The following SOX5 variants were observed in gnomAD, a reference collection of about 807,000 sequenced individuals.
The protein encoded by SOX5 is transcription factor SOX-5.
Under a neutral mutation model 92.0 loss-of-function variants are expected in SOX5, and 9 were observed. That is an observed-to-expected ratio of 0.10 (90% CI 0.06 to 0.17). The LOEUF (loss-of-function observed/expected upper bound fraction) is 0.17. SOX5 is among the 10% of genes least tolerant of loss of function. The pLI, the probability that SOX5 is intolerant of heterozygous loss-of-function variation, is 1.00. For synonymous variants in SOX5, 344 were observed against 336.3 expected, an observed-to-expected ratio of 1.02 and a Z score of -0.25; for missense variants, 642 against 944.5, an observed-to-expected ratio of 0.68 and a Z score of 4.20.
intron 4 of SOX5, among the ~76,000 whole-genome samples, chr12:23,995,236 T>A (rs2136301451): frequency 6.6e-6 from 1 of 152,346 alleles, no homozygotes; most frequent in Admixed American, 6.5e-5. Context: ...GATATTTAAA[T>A]ATATACGTCT....
chr12:23,597,682 A>G (rs1952699711), intron 9 of SOX5, among the ~76,000 whole-genome samples: 1 of 152,228 alleles, frequency 6.6e-6, no homozygotes, highest in African/African-American at 2.4e-5. Context: ...CTATGGGGTG[A>G]TTCTTCTTAG....
At chr12:23,958,349 G>A (rs1178650769) in intron 4 of SOX5, among the ~76,000 whole-genome samples, 1 of 151,922 alleles carries the variant, frequency 6.6e-6, no homozygotes, top group Non-Finnish European at 1.5e-5. Flanking sequence ...TCTTTTCTGG[G>A]CAGAGTACTC....
chr12:23,826,712 T>G (rs961254294), intron 3 of SOX5, among the ~76,000 whole-genome samples: 3 of 150,064 alleles, frequency 2.0e-5, no homozygotes, highest in African/African-American at 4.9e-5. Flanking sequence ...AAAAAAAAAG[T>G]AGAGAAGGAA....
intron 4 of SOX5, among the ~76,000 whole-genome samples, chr12:23,743,372 C>T (rs1412091177): frequency 1.3e-5 from 2 of 151,924 alleles, no homozygotes; most frequent in Middle Eastern, 3.4e-3. Flanking sequence ...TACAGTGGCA[C>T]GATCTCACCT....
At chr12:23,988,798 G>A (rs1223414843) in intron 4 of SOX5, among the ~76,000 whole-genome samples, 1 of 152,128 alleles carries the variant, frequency 6.6e-6, no homozygotes, top group Non-Finnish European at 1.5e-5. Flanking sequence ...TGGGTTGGCA[G>A]GCTAGGGAAG....
intron 2 of SOX5, among the ~76,000 whole-genome samples, chr12:23,865,692 A>T (rs1187327592): frequency 6.6e-6 from 1 of 152,186 alleles, no homozygotes; most frequent in Non-Finnish European, 1.5e-5. Flanking sequence ...ACGAAAAAAA[A>T]TACATTTTGT....
chr12:23,898,695 G>T (rs1329206003), intron 1 of SOX5, among the ~76,000 whole-genome samples: 7 of 152,160 alleles, frequency 4.6e-5, no homozygotes, highest in Non-Finnish European at 8.8e-5. Flanking sequence ...GAGCAAAAAA[G>T]GTTAAGGTTT....
chr12:23,831,675 G>A (rs1490627038), intron 3 of SOX5, among the ~76,000 whole-genome samples: 1 of 152,042 alleles, frequency 6.6e-6, no homozygotes, highest in Non-Finnish European at 1.5e-5. Context: ...CACTAGGTAA[G>A]TTTGGTAATA....
chr12:24,240,121 T>G (rs1245579983), intron 3 of SOX5, among the ~76,000 whole-genome samples: 1 of 152,198 alleles, frequency 6.6e-6, no homozygotes, highest in Non-Finnish European at 1.5e-5. Context: ...CTACAAGTAG[T>G]GGTTGTATTA....
chr12:24,552,106 T>C (rs1017804770), intron 1 of SOX5, among the ~76,000 whole-genome samples: 1 of 151,876 alleles, frequency 6.6e-6, no homozygotes, highest in African/African-American at 2.4e-5. Context: ...CCTAGATTCC[T>C]TATGTCAGGT....
chr12:23,874,360 T>C (rs1030652267), intron 2 of SOX5, among the ~76,000 whole-genome samples: 2 of 152,192 alleles, frequency 1.3e-5, no homozygotes, highest in African/African-American at 2.4e-5. Flanking sequence ...TACTGCTGAT[T>C]GTGGACTTGA....
chr12:23,992,442 T>C (rs973577277), intron 4 of SOX5, among the ~76,000 whole-genome samples: 1 of 152,178 alleles, frequency 6.6e-6, no homozygotes, highest in African/African-American at 2.4e-5. Flanking sequence ...CAAGGTTTCA[T>C]ACATAATTTG....
chr12:24,479,575 G>C (rs930860599), intron 1 of SOX5, among the ~76,000 whole-genome samples: 1 of 152,000 alleles, frequency 6.6e-6, no homozygotes, highest in South Asian at 2.1e-4. Context: ...GACAATACTC[G>C]CACATATTAT....
chr12:24,424,811 G>GGC (rs1555286280), intron 1 of SOX5, among the ~76,000 whole-genome samples: 9 of 149,322 alleles, frequency 6.0e-5, no homozygotes, highest in South Asian at 4.2e-4. Flanking sequence ...TTTTTTTTGG[G>GGC]GGGGGGGGAT....
chr12:23,839,222 T>C (rs1169967477), intron 3 of SOX5, among the ~76,000 whole-genome samples: 1 of 152,060 alleles, frequency 6.6e-6, no homozygotes, highest in Non-Finnish European at 1.5e-5. Context: ...TCTTTCCTGT[T>C]GGGACTTACT....
intron 3 of SOX5, among the ~76,000 whole-genome samples, chr12:23,827,137 A>G (rs1291531373): frequency 6.6e-6 from 1 of 152,198 alleles, no homozygotes; most frequent in Non-Finnish European, 1.5e-5. Context: ...AGGCCTGAGA[A>G]CAAATGGTAC....
At chr12:23,873,465 C>A (rs2136885058) in intron 2 of SOX5, among the ~76,000 whole-genome samples, 1 of 152,214 alleles carries the variant, frequency 6.6e-6, no homozygotes. Context: ...AAGGTAAGAC[C>A]CTGTCTCAAA....
intron 1 of SOX5, among the ~76,000 whole-genome samples, chr12:24,459,565 C>G (rs1371357784): frequency 6.6e-6 from 1 of 151,980 alleles, no homozygotes; most frequent in Non-Finnish European, 1.5e-5. Flanking sequence ...TTTTTTCAAT[C>G]TAAAAGGAGA....
At chr12:24,464,097 C>T (rs1704753683) in intron 1 of SOX5, among the ~76,000 whole-genome samples, 1 of 152,136 alleles carries the variant, frequency 6.6e-6, no homozygotes. Context: ...AAATTTTTAG[C>T]TTCCCTCTGA....
Sources: allele counts gnomAD v4.1 joint callset (sites outside exome capture counted in the v4.1 genomes callset), GRCh38; gene constraint gnomAD v4.1.1; transcripts MANE v1.5; gene names NCBI Gene and HGNC (gene_info 2026-07-23, HGNC 2026-07-21).